The following LRTM2 variants were observed in gnomAD, a reference collection of about 807,000 sequenced individuals.
LRTM2 encodes the protein leucine-rich repeat and transmembrane domain-containing protein 2.
Under a neutral mutation model 28.1 loss-of-function variants are expected in LRTM2, and 18 were observed. That is an observed-to-expected ratio of 0.64 (90% CI 0.44 to 0.95). The LOEUF (loss-of-function observed/expected upper bound fraction) is 0.95. Among genes scored for constraint, LRTM2 ranks in the 40% least tolerant of loss-of-function variants. The probability of loss-of-function intolerance (pLI) is 0.00; values close to 1 mark genes in which losing one functional copy is unlikely to be tolerated. For missense variants in LRTM2, 436 were observed against 497.2 expected (o/e 0.88, Z 1.17); for synonymous variants, 250 against 218.7 (o/e 1.14, Z -1.26).
rs1479133306 is a variant in LRTM2, at chr12:1,831,325, C to T, written c.458C>T (p.Ala153Val). The change falls in exon 4 of 5, where the codon GCC (alanine) becomes GTC (valine). Residue 153 changes from alanine to valine, a missense_variant. Physicochemically the swap from Ala to Val is moderately conservative, Grantham distance 64. Coordinates refer to ENST00000299194, the MANE Select transcript of LRTM2 (RefSeq NM_001039029.3). ...RHLDLSINGL[A>V]QLPPGLFDGL... ...CTGGACCTGTCCATCAACGGCCTGG[C>T]CCAGTTGCCCCCTGGTCTTTTCGAC... is the stretch of plus-strand genomic sequence containing the variant. 1 of 1,613,798 alleles carries T rather than the reference C, an allele frequency of 6.2e-7. No homozygotes were observed. The highest frequency in any genetic ancestry group is 1.1e-5 in the South Asian group (1 of 91,080).
At chr12:1,827,096 G>T (rs1253866653) in intron 1 of LRTM2, among the ~76,000 whole-genome samples, 1 of 152,196 alleles carries the variant, frequency 6.6e-6, no homozygotes, top group African/African-American at 2.4e-5. Context: ...CGTGGAGGGC[G>T]AAGGAGAGGG....
In LRTM2 at chr12:1,828,314, G is replaced by A. The variant is rs1328221355; in HGVS notation, c.67+99G>A. ...ATGGGACCTTAGCCACACTCAGGCT[G>A]CAGGGAGGCCTACGCCAGATCTTCC... On this transcript the variant is annotated intron_variant, in intron 3 of 4. Coordinates refer to ENST00000299194, the MANE Select transcript of LRTM2 (RefSeq NM_001039029.3). The surrounding 1 kb of genome is among the most constrained non-coding windows in gnomAD (Gnocchi z 4.2). The A allele has an allele frequency of 1.8e-6, 2 of 1,084,068 alleles. No homozygotes were observed. The highest frequency in any genetic ancestry group is 2.9e-5 in the East Asian group (1 of 34,538). 67.2% of individuals were successfully genotyped at this position (1,084,068 alleles called of 1,614,324 possible).
In LRTM2 at chr12:1,834,271, A is replaced by G; in HGVS notation, c.663A>G (p.Gly221=). 3.2e-6 allele frequency: 5 copies of G among 1,563,146 alleles called. No individual in the cohort carries two copies. Among genetic ancestry groups the G allele is most frequent in the Non-Finnish European group, 4.3e-6 (5 of 1,151,630 alleles). Residue 221 remains glycine (G), a synonymous_variant, in exon 5 of 5, where the codon GGA becomes GGG. Transcript: ENST00000299194. The surrounding 1 kb of genome is among the most constrained non-coding windows in gnomAD (Gnocchi z 7.6). ...CTTTTTCTCTTCTGCATGTAGGGGG[A>G]CGCTTGGACCAGCTTGCCTGCACCC... ...HWMEWFSYRG[G]RLDQLACTLP...
intron 1 of LRTM2, among the ~76,000 whole-genome samples, chr12:1,822,901 C>T (rs141677414): frequency 0.034 from 5,148 of 152,260 alleles, 165 homozygotes; most frequent in Admixed American, 0.11. Flanking sequence ...CTCTGGCTGG[C>T]CACTCTCCGG....
chr12:1,828,500 G>C lies in LRTM2; in HGVS notation c.67+285G>C, dbSNP rs1037789574. 2.6e-5 allele frequency among the ~76,000 whole-genome samples: 4 copies of C among 152,196 alleles called. No individual in the cohort carries two copies. Among genetic ancestry groups the C allele is most frequent in the African/African-American group, 4.8e-5 (2 of 41,434 alleles). ...CAGGTAAGTCTCTGTGAGCTTGCTG[G>C]GGTCCCCAACAGGAGAAGAGCTCTG... On this transcript the variant is annotated intron_variant, in intron 3 of 4. Transcript: ENST00000299194. The surrounding 1 kb of genome is among the most constrained non-coding windows in gnomAD (Gnocchi z 4.2).
intron 1 of LRTM2, among the ~76,000 whole-genome samples, chr12:1,823,545 C>T (rs1157436681): frequency 6.6e-6 from 1 of 152,178 alleles, no homozygotes; most frequent in East Asian, 1.9e-4. Context: ...CTACTGGGGC[C>T]TCCTGCTCCC....
rs1476701657 is a variant in LRTM2, at chr12:1,828,187, G to C, written c.39G>C (p.Arg13Ser). Residue 13 changes from arginine (R) to serine (S), a missense_variant, in exon 3 of 5, where the codon AGG (arginine) becomes AGC (serine). Physicochemically the swap from Arg to Ser is moderately radical, Grantham distance 110. Transcript: ENST00000299194. This position sits in a 1 kb window ranked among gnomAD's most constrained non-coding sequence, Gnocchi z 4.2. ...GCAGCAGCCCTGGGCAGAGGGGCAG[G>C]CTCGCCCTGCAGTGGAGGCAAGTCT... is the stretch of plus-strand genomic sequence containing the variant. ...APGSSPGQRG[R>S]LALQWRQVSW... 7.8e-6 allele frequency: 12 copies of C among 1,547,002 alleles called. No individual in the cohort carries two copies. Among genetic ancestry groups the C allele is most frequent in the Non-Finnish European group, 9.6e-6 (11 of 1,145,460 alleles).
At chr12:1,821,976 C>T (rs563936873) in intron 1 of LRTM2, 4 of 152,208 alleles carry the variant, frequency 2.6e-5, no homozygotes, top group South Asian at 4.1e-4. Flanking sequence ...GAGCCGAGCA[C>T]GTGGAGCTGA....
intron 4 of LRTM2, among the ~76,000 whole-genome samples, chr12:1,832,175 G>C (rs76806233): frequency 0.13 from 19,080 of 152,240 alleles, 1,510 homozygotes; most frequent in Non-Finnish European, 0.17. Context: ...CATGGGAGAG[G>C]AGGGTGCGCA....
In LRTM2 at chr12:1,834,669, G is replaced by C. The variant is rs374354310; in HGVS notation, c.1061G>C (p.Gly354Ala). The change falls in exon 5 of 5, where the codon GGG (glycine) becomes GCG (alanine). Residue 354 changes from glycine to alanine, a missense_variant. Coordinates refer to ENST00000299194, the MANE Select transcript of LRTM2 (RefSeq NM_001039029.3). The surrounding 1 kb of genome is among the most constrained non-coding windows in gnomAD (Gnocchi z 7.6). The stretch of plus-strand genomic sequence containing the variant: ...CTCAAAAAGCGCCAGCCCCTGATGG[G>C]GGACCCCGAGGGCGAGCACGAGGAC... ...RELKKRQPLM[G>A]DPEGEHEDQK... 1.2e-6 allele frequency: 2 copies of C among 1,601,590 alleles called. No homozygotes were observed. The highest frequency in any genetic ancestry group is 1.7e-6 in the Non-Finnish European group (2 of 1,179,576).
chr12:1,825,629 T>C (rs879616850), intron 1 of LRTM2, among the ~76,000 whole-genome samples: 1 of 152,216 alleles, frequency 6.6e-6, no homozygotes, highest in Admixed American at 6.5e-5. Flanking sequence ...TGGGCACATG[T>C]ATGTTAGCAC....
intron 1 of LRTM2, among the ~76,000 whole-genome samples, chr12:1,825,897 G>A (rs775716969): frequency 6.6e-5 from 10 of 152,330 alleles, no homozygotes; most frequent in Non-Finnish European, 8.8e-5. Context: ...TTGGGTGGCC[G>A]TGGACTGTGA....
At chr12:1,826,523 G>A (rs977814760) in intron 1 of LRTM2, among the ~76,000 whole-genome samples, 4 of 151,856 alleles carry the variant, frequency 2.6e-5, no homozygotes, top group Non-Finnish European at 5.9e-5. Context: ...CCAGGGACGT[G>A]GGTCCTCCTG....
Position 1,831,494 on chromosome 12 carries a change from C to T in LRTM2, c.627C>T (p.Phe209=), listed in dbSNP as rs779387070. The part of the protein sequence containing the change: ...PWECDCNLRE[F]KHWMEWFSYR... ...AGTGTGACTGTAACCTGCGTGAGTT[C>T]AAACACTGGATGGAGTGGTTCTCCT... Residue 209 remains phenylalanine, a synonymous_variant, in exon 4 of 5, where the codon TTC becomes TTT. Coordinates refer to ENST00000299194, the MANE Select transcript of LRTM2 (RefSeq NM_001039029.3). 27 of 1,613,690 alleles carry T rather than the reference C, an allele frequency of 1.7e-5. No homozygotes were observed. The highest frequency in any genetic ancestry group is 2.2e-5 in the Non-Finnish European group (26 of 1,179,962).
intron 1 of LRTM2, among the ~76,000 whole-genome samples, chr12:1,823,865 G>T (rs983514774): frequency 6.6e-6 from 1 of 152,172 alleles, no homozygotes; most frequent in Non-Finnish European, 1.5e-5. Context: ...GAGGAAAGGC[G>T]GCATCTTCCT....
At chr12:1,823,052 A>G (rs1260543796) in intron 1 of LRTM2, among the ~76,000 whole-genome samples, 2 of 152,016 alleles carry the variant, frequency 1.3e-5, no homozygotes, top group Non-Finnish European at 2.9e-5. Context: ...TGCCCCCTTT[A>G]CCCCTGAGTT....
rs1048506289 is a variant in LRTM2, at chr12:1,833,299, G to T, written c.659-968G>T. Among the ~76,000 whole-genome samples, 1 of 152,130 alleles carries T rather than the reference G, an allele frequency of 6.6e-6. No homozygotes were observed. Among genetic ancestry groups the T allele is most frequent in the African/African-American group, 2.4e-5 (1 of 41,406 alleles). ...TGCAGCCCGCATCTTTTCGGCAGGG[G>T]GTCTAGTGCCTGCATCCAGATTTCA... On this transcript the variant is annotated intron_variant, in intron 4 of 4. Transcript: ENST00000299194. This position sits in a 1 kb window ranked among gnomAD's most constrained non-coding sequence, Gnocchi z 4.2.
At chr12:1,825,431 T>C (rs563120783) in intron 1 of LRTM2, among the ~76,000 whole-genome samples, 11 of 152,226 alleles carry the variant, frequency 7.2e-5, no homozygotes, top group African/African-American at 2.4e-4. Flanking sequence ...GGAGGTGTCT[T>C]ATGGGTTAGG....
chr12:1,830,150 C>T (rs1864556701), intron 3 of LRTM2, among the ~76,000 whole-genome samples: 1 of 152,236 alleles, frequency 6.6e-6, no homozygotes, highest in South Asian at 2.1e-4. Flanking sequence ...GGCTGAGAGC[C>T]TAGATGGCTT....
Sources: allele counts gnomAD v4.1 joint callset (sites outside exome capture counted in the v4.1 genomes callset), GRCh38; gene constraint gnomAD v4.1.1; non-coding constraint Gnocchi (gnomAD v3.1); transcripts MANE v1.5; gene names NCBI Gene and HGNC (gene_info 2026-07-23, HGNC 2026-07-21).